DGKB: variants seen among roughly 807,000 people sequenced by gnomAD.
DGKB encodes the protein 90 kDa diacylglycerol kinase.
In DGKB, 67 loss-of-function variants were observed where a neutral mutation model predicts 114.3. The ratio of observed to expected loss-of-function variants is 0.59; its 90% CI spans 0.48 to 0.72. The LOEUF is 0.72. Among genes scored for constraint, DGKB ranks in the 30% least tolerant of loss-of-function variants. The pLI is 0.00. For synonymous variants in DGKB, 398 were observed against 323.1 expected, an observed-to-expected ratio of 1.23 and a Z score of -2.49; for missense variants, 907 against 975.2, an observed-to-expected ratio of 0.93 and a Z score of 0.93.
At chr7:14,700,393 T>C (rs1824944878) in intron 7 of DGKB, among the ~76,000 whole-genome samples, 1 of 152,032 alleles carries the variant, frequency 6.6e-6, no homozygotes, top group South Asian at 2.1e-4. Flanking sequence ...TTTGTATTTT[T>C]AGTAGAGACG....
chr7:14,841,779 T>A (rs1449233136), intron 1 of DGKB, among the ~76,000 whole-genome samples: 1 of 152,178 alleles, frequency 6.6e-6, no homozygotes, highest in Non-Finnish European at 1.5e-5. Flanking sequence ...GATTTGCTAG[T>A]TTACAGTATA....
At chr7:14,954,383 T>TAA (rs1786382095) in intron 1 of DGKB, among the ~76,000 whole-genome samples, 2 of 151,990 alleles carry the variant, frequency 1.3e-5, no homozygotes, top group Admixed American at 1.3e-4. Context: ...GATAAGACTT[T>TAA]AAAAAGAAAA....
chr7:14,514,518 T>C (rs1788474056), intron 20 of DGKB, among the ~76,000 whole-genome samples: 1 of 152,136 alleles, frequency 6.6e-6, no homozygotes, highest in Non-Finnish European at 1.5e-5. Flanking sequence ...CAAATAATTG[T>C]TTATTGACAG....
At chr7:14,895,818 A>G (rs762857194) in intron 1 of DGKB, among the ~76,000 whole-genome samples, 1 of 151,658 alleles carries the variant, frequency 6.6e-6, no homozygotes, top group Non-Finnish European at 1.5e-5. Flanking sequence ...CAATCTCCAT[A>G]CACACTAGGG....
intron 23 of DGKB, among the ~76,000 whole-genome samples, chr7:14,265,760 A>T (rs1473993457): frequency 6.6e-6 from 1 of 152,148 alleles, no homozygotes; most frequent in Non-Finnish European, 1.5e-5. Context: ...GGCACATAGG[A>T]GGTTCTTTAT....
chr7:14,671,640 G>A (rs1818981078), intron 13 of DGKB, among the ~76,000 whole-genome samples: 1 of 152,198 alleles, frequency 6.6e-6, no homozygotes, highest in African/African-American at 2.4e-5. Context: ...GGCCAAGGAG[G>A]CAGACCCCAG....
chr7:14,806,056 A>G (rs1194829714), intron 2 of DGKB, among the ~76,000 whole-genome samples: 1 of 151,738 alleles, frequency 6.6e-6, no homozygotes, highest in Non-Finnish European at 1.5e-5. Context: ...TTACTCAGAA[A>G]GTAGTTGAGA....
rs62443525 is a variant in DGKB, at chr7:14,555,501, A to G, written c.1770+18711T>C. On this transcript the variant is annotated intron_variant, in intron 20 of 25. Transcript: ENST00000402815. ...ATTCTCAGAATCAAGGAATTAATAT[A>G]TAAATTAATTTGGGCAGACTTGATC... 5.5e-3 allele frequency among the ~76,000 whole-genome samples: 835 copies of G among 152,312 alleles called. 7 individuals are homozygous for G. The highest frequency in any genetic ancestry group is 0.02 in the Middle Eastern group (6 of 294).
chr7:14,333,460 TAAAA>T (rs36112659), intron 23 of DGKB, among the ~76,000 whole-genome samples: 18 of 125,816 alleles, frequency 1.4e-4, no homozygotes, highest in Non-Finnish European at 8.2e-5. Flanking sequence ...GACTCCGTCT[TAAAA>T]AAAAAAAAAA....
intron 7 of DGKB, among the ~76,000 whole-genome samples, chr7:14,699,448 G>A (rs976910913): frequency 7.9e-5 from 12 of 152,204 alleles, no homozygotes; most frequent in African/African-American, 7.2e-5. Context: ...CAGTTTTCTC[G>A]TTGGTAAAAT....
chr7:14,358,556 CA>C (rs1364205073), intron 21 of DGKB, among the ~76,000 whole-genome samples: 7 of 152,128 alleles, frequency 4.6e-5, no homozygotes, highest in Non-Finnish European at 8.8e-5. Flanking sequence ...TAGAAAACCC[CA>C]TCGTCTCAGC....
At chr7:14,575,072 C>A (rs748959803) in intron 19 of DGKB, among the ~76,000 whole-genome samples, 12 of 152,284 alleles carry the variant, frequency 7.9e-5, no homozygotes, top group Admixed American at 5.2e-4. Flanking sequence ...CTGCAGTGAG[C>A]TATGATTGCA....
chr7:14,398,118 C>T (rs916550140), intron 21 of DGKB, among the ~76,000 whole-genome samples: 1 of 152,062 alleles, frequency 6.6e-6, no homozygotes, highest in Admixed American at 6.6e-5. Flanking sequence ...CCTATTGCAA[C>T]TATCTAAATA....
chr7:14,695,512 T>TTTTTTTC (rs1823695207), intron 8 of DGKB, among the ~76,000 whole-genome samples: 1 of 136,470 alleles, frequency 7.3e-6, no homozygotes, highest in African/African-American at 2.8e-5. Flanking sequence ...TTTTTTTTTT[T>TTTTTTTC]TTTTTGAGAT....
At chr7:14,439,865 CAA>C (rs756256822) in intron 21 of DGKB, among the ~76,000 whole-genome samples, 9 of 104,084 alleles carry the variant, frequency 8.6e-5, no homozygotes, top group South Asian at 6.7e-4. Flanking sequence ...ACTCTGTTTC[CAA>C]AAAAAAAAAA....
intron 12 of DGKB, among the ~76,000 whole-genome samples, chr7:14,675,526 C>T (rs1055280467): frequency 4.0e-5 from 6 of 151,798 alleles, no homozygotes; most frequent in African/African-American, 2.4e-5. Flanking sequence ...GAAGGGGCAA[C>T]TCTGTATATT....
intron 21 of DGKB, among the ~76,000 whole-genome samples, chr7:14,440,739 C>T (rs12532388): frequency 0.1 from 15,363 of 152,106 alleles, 880 homozygotes; most frequent in East Asian, 0.22. Flanking sequence ...TACATACCTA[C>T]GAAGGAAATT....
intron 13 of DGKB, among the ~76,000 whole-genome samples, chr7:14,660,945 C>G (rs546397608): frequency 6.6e-6 from 1 of 150,494 alleles, no homozygotes; most frequent in Non-Finnish European, 1.5e-5. Flanking sequence ...GAAAAACAAG[C>G]AATGGGGAAA....
At chr7:14,722,500 A>C (rs1829338588) in intron 5 of DGKB, among the ~76,000 whole-genome samples, 1 of 152,040 alleles carries the variant, frequency 6.6e-6, no homozygotes, top group Admixed American at 6.6e-5. Context: ...AACTTGATTA[A>C]ATTTTGAGGT....
Sources: gnomAD v4.1 joint callset for allele counts (sites outside exome capture counted in the v4.1 genomes callset) on GRCh38, gnomAD v4.1.1 for gene constraint, MANE v1.5 for transcripts, NCBI Gene and HGNC (gene_info 2026-07-23, HGNC 2026-07-21) for gene names.